Variants in HS3ST3B1 observed in about 807,000 individuals in gnomAD.
The protein encoded by HS3ST3B1 is heparan sulfate glucosamine 3-O-sulfotransferase 3B1.
In HS3ST3B1, 13 loss-of-function variants were observed where a neutral mutation model predicts 21.3. That is an observed-to-expected ratio of 0.61 (90% confidence interval 0.40 to 0.97). HS3ST3B1 has a LOEUF of 0.97. HS3ST3B1 is among the 50% of genes least tolerant of loss of function. The pLI, the probability that HS3ST3B1 is intolerant of heterozygous loss-of-function variation, is 0.00. For synonymous variants in HS3ST3B1, 234 were observed against 254.8 expected (o/e 0.92, Z 0.78); for missense variants, 459 against 554.8 (o/e 0.83, Z 1.73).
intron 1 of HS3ST3B1, among the ~76,000 whole-genome samples, chr17:14,317,029 C>T (rs1343913586): frequency 1.3e-5 from 2 of 152,232 alleles, no homozygotes; most frequent in African/African-American, 4.8e-5. Context: ...TCTACCTGAG[C>T]CCTTGCTCAG....
chr17:14,333,247 C>T (rs1409629283), intron 1 of HS3ST3B1, among the ~76,000 whole-genome samples: 2 of 152,036 alleles, frequency 1.3e-5, no homozygotes, highest in African/African-American at 4.8e-5. Flanking sequence ...GCGGGCGGAT[C>T]ACGAGGTCAG....
Position 14,301,932 on chromosome 17 carries a change from G to A in HS3ST3B1, c.414G>A (p.Pro138=), listed in dbSNP as rs140336845. The change falls in exon 1 of 2, where the codon CCG becomes CCA. Residue 138 remains proline, a synonymous_variant. Coordinates refer to ENST00000360954, the MANE Select transcript of HS3ST3B1 (RefSeq NM_006041.3). ...FFSGSGSKQL[P]QAIIIGVKKG... ...GTGGGTCTGGGAGCAAGCAGCTGCC[G>A]CAGGCCATCATCATCGGCGTGAAGA... 19 of 1,609,484 alleles carry A rather than the reference G, an allele frequency of 1.2e-5. No individual in the cohort carries two copies. Among genetic ancestry groups the A allele is most frequent in the Non-Finnish European group, 1.6e-5 (19 of 1,178,590 alleles).
At chr17:14,309,258 G>T (rs930732346) in intron 1 of HS3ST3B1, among the ~76,000 whole-genome samples, 1 of 152,220 alleles carries the variant, frequency 6.6e-6, no homozygotes, top group Admixed American at 6.5e-5. Context: ...CCTCTGGCCC[G>T]GGGGCCGCTG....
intron 1 of HS3ST3B1, among the ~76,000 whole-genome samples, chr17:14,322,264 C>T (rs1909681934): frequency 6.6e-6 from 1 of 152,022 alleles, no homozygotes; most frequent in African/African-American, 2.4e-5. Flanking sequence ...TGAGTCCCTG[C>T]TTTGTTACAT....
At chr17:14,326,107 A>G (rs1249484674) in intron 1 of HS3ST3B1, among the ~76,000 whole-genome samples, 1 of 152,152 alleles carries the variant, frequency 6.6e-6, no homozygotes, top group Non-Finnish European at 1.5e-5. Context: ...TGAAAAAGGA[A>G]CAAGGAGTGT....
intron 1 of HS3ST3B1, among the ~76,000 whole-genome samples, chr17:14,314,932 A>T (rs141746994): frequency 5.1e-4 from 78 of 152,252 alleles, no homozygotes; most frequent in African/African-American, 1.9e-3. Flanking sequence ...TATCTATTTG[A>T]CTTTTTCATT....
chr17:14,344,565 C>T (rs1910493344), intron 1 of HS3ST3B1, among the ~76,000 whole-genome samples: 1 of 152,084 alleles, frequency 6.6e-6, no homozygotes, highest in Admixed American at 6.5e-5. Context: ...CCTTCCAGTG[C>T]CCATGGCACA....
rs1418074399 is a variant in HS3ST3B1 at position 14,301,196 on chromosome 17, G to T, written c.-323G>T. 1.3e-5 allele frequency: 5 copies of T among 394,350 alleles called. No homozygotes were observed. The Admixed American group carries it at 1.4e-4, about 11-fold the overall frequency. The allele number at this position is 394,350 out of a possible 1,614,324, so 24.4% of individuals were successfully genotyped here. A position where few individuals can be genotyped will look rare whatever the true frequency, so the allele number is the denominator to read the frequency against. On this transcript the variant is annotated 5_prime_UTR_variant, in exon 1 of 2. In the 5' UTR this introduces an upstream ATG that the reference lacks. Coordinates refer to ENST00000360954, the MANE Select transcript of HS3ST3B1 (RefSeq NM_006041.3). Reference sequence around the variant, plus strand: ...CGGTGCGCACAGTCTAGAGTGGCCAGGGCGCGAGAGTGCAACGTCCTCCTG... The same window carrying T: ...CGGTGCGCACAGTCTAGAGTGGCCATGGCGCGAGAGTGCAACGTCCTCCTG...
intron 1 of HS3ST3B1, among the ~76,000 whole-genome samples, chr17:14,338,326 A>T (rs578009527): frequency 6.6e-6 from 1 of 151,448 alleles, no homozygotes; most frequent in Admixed American, 6.6e-5. Flanking sequence ...GGGTTTCATC[A>T]TGTTAGCCAG....
At chr17:14,331,434 C>G (rs893126059) in intron 1 of HS3ST3B1, among the ~76,000 whole-genome samples, 6 of 152,072 alleles carry the variant, frequency 3.9e-5, no homozygotes, top group Non-Finnish European at 5.9e-5. Context: ...AGCTCCACCC[C>G]CTTATGGTAT....
At chr17:14,329,407 AAGAG>A (rs1022452665) in intron 1 of HS3ST3B1, 1 of 144,606 alleles carries the variant, frequency 6.9e-6, no homozygotes, top group African/African-American at 2.6e-5. Context: ...AAGGAAGGAA[AAGAG>A]AGAAAGAGAG....
At chr17:14,326,471 C>T (rs1909820298) in intron 1 of HS3ST3B1, among the ~76,000 whole-genome samples, 1 of 152,152 alleles carries the variant, frequency 6.6e-6, no homozygotes, top group South Asian at 2.1e-4. Flanking sequence ...TTTTTCTAAC[C>T]TTATTTGCCA....
rs71352467 is a variant in HS3ST3B1, at chr17:14,346,247, C to CTTTTTTTTTTTTTTTTTTTT, written c.*604_*623dup. On this transcript the variant is annotated 3_prime_UTR_variant, in exon 2 of 2. Coordinates refer to ENST00000360954, the MANE Select transcript of HS3ST3B1 (RefSeq NM_006041.3). ...AGGGACATCCACATCCTTTTTTTTT[C>CTTTTTTTTTTTTTTTTTTTT]TTTTTTTTTTTTTTTTTTTTTTGAG... is the stretch of plus-strand genomic sequence containing the variant. The CTTTTTTTTTTTTTTTTTTTT allele has an allele frequency of 1.1e-5, 1 of 90,338 alleles. No individual in the cohort carries two copies. The highest frequency in any genetic ancestry group is 4.5e-5 in the African/African-American group (1 of 22,172). The allele number at this position is 90,338 out of a possible 1,614,324, so 5.6% of individuals were successfully genotyped here. A position where few individuals can be genotyped will look rare whatever the true frequency, so the allele number is the denominator to read the frequency against.
At chr17:14,339,723 G>A (rs944996003) in intron 1 of HS3ST3B1, among the ~76,000 whole-genome samples, 31 of 152,174 alleles carry the variant, frequency 2.0e-4, no homozygotes, top group African/African-American at 6.8e-4. Flanking sequence ...TTGAGAAACT[G>A]GTTTTCATAA....
At chr17:14,333,238 C>T (rs973500321) in intron 1 of HS3ST3B1, among the ~76,000 whole-genome samples, 12 of 152,104 alleles carry the variant, frequency 7.9e-5, no homozygotes, top group Non-Finnish European at 1.3e-4. Flanking sequence ...GAGGCCGAGG[C>T]GGGCGGATCA....
intron 1 of HS3ST3B1, 25 bp downstream of exon 1, chr17:14,302,097 G>A (rs533745524): frequency 7.6e-6 from 12 of 1,570,294 alleles, no homozygotes; most frequent in Middle Eastern, 1.7e-4. Context: ...CAGGGGCAGG[G>A]TCTCCATCGT....
intron 1 of HS3ST3B1, among the ~76,000 whole-genome samples, chr17:14,317,544 G>C (rs1909536703): frequency 6.6e-6 from 1 of 152,182 alleles, no homozygotes; most frequent in African/African-American, 2.4e-5. Flanking sequence ...CATCCAGCTG[G>C]GCACTGAAGC....
At chr17:14,337,064 C>G (rs1039897937) in intron 1 of HS3ST3B1, among the ~76,000 whole-genome samples, 6 of 152,170 alleles carry the variant, frequency 3.9e-5, no homozygotes, top group Non-Finnish European at 8.8e-5. Context: ...CTTATACAAG[C>G]ATAAATTAGA....
At chr17:14,333,153 A>G (rs541370870) in intron 1 of HS3ST3B1, among the ~76,000 whole-genome samples, 1 of 152,244 alleles carries the variant, frequency 6.6e-6, no homozygotes, top group East Asian at 1.9e-4. Context: ...AACCAGAGCC[A>G]TAGTAGTCAA....
Sources: allele counts gnomAD v4.1 joint callset (sites outside exome capture counted in the v4.1 genomes callset), GRCh38; gene constraint gnomAD v4.1.1; transcripts MANE v1.5; gene names NCBI Gene and HGNC (gene_info 2026-07-23, HGNC 2026-07-21).